The following PRMT8 variants were observed in gnomAD, a reference collection of about 807,000 sequenced individuals.
The protein encoded by PRMT8 is protein arginine N-methyltransferase 8.
In PRMT8, 7 loss-of-function variants were observed where a neutral mutation model predicts 47.1. The ratio of observed to expected loss-of-function variants is 0.15; its 90% CI spans 0.08 to 0.28. PRMT8 has a LOEUF of 0.28. PRMT8 is among the 10% of genes least tolerant of loss of function. The probability of loss-of-function intolerance (pLI) is 1.00; values close to 1 mark genes in which losing one functional copy is unlikely to be tolerated. For missense variants in PRMT8, 237 were observed against 505.4 expected (o/e 0.47, Z 5.09); for synonymous variants, 188 against 186.5 (o/e 1.01, Z -0.07).
chr12:3,560,157 A>T (rs942383601), intron 4 of PRMT8, among the ~76,000 whole-genome samples: 2 of 152,132 alleles, frequency 1.3e-5, no homozygotes, highest in African/African-American at 4.8e-5. Context: ...CTGCTCACTC[A>T]CTTAGCCTTG....
rs1864693652 is a variant in PRMT8 at position 3,432,625 on chromosome 12, AG to A, written c.48+51185del. The stretch of plus-strand genomic sequence containing the variant: ...TGGGGCTGGAAAGCAGCAACAGGAG[AG>A]GTGAGAAAGGCTCTCTGGGCAAGAG... On this transcript the variant is annotated intron_variant, in intron 1 of 9. Transcript: ENST00000452611. Among the ~76,000 whole-genome samples, 4 of 150,796 alleles carry A rather than the reference AG, an allele frequency of 2.7e-5. No individual in the cohort carries two copies. The South Asian group carries it at 8.5e-4, about 32-fold the overall frequency.
intron 1 of PRMT8, among the ~76,000 whole-genome samples, chr12:3,505,207 C>T (rs1176153570): frequency 2.0e-5 from 3 of 152,106 alleles, no homozygotes; most frequent in Non-Finnish European, 4.4e-5. Flanking sequence ...TGTTCCTATT[C>T]GGCCATCTTG....
At chr12:3,465,129 A>AAT (rs1555082222) in intron 1 of PRMT8, among the ~76,000 whole-genome samples, 85 of 55,368 alleles carry the variant, frequency 1.5e-3, no homozygotes, top group Admixed American at 3.1e-3. Context: ...TCTCAAAAAA[A>AAT]ATATATATAT....
chr12:3,540,093 A>T (rs1222204821), intron 1 of PRMT8, among the ~76,000 whole-genome samples: 2 of 151,906 alleles, frequency 1.3e-5, no homozygotes, highest in African/African-American at 4.8e-5. Flanking sequence ...CCTCAGGACA[A>T]CTCTAGGAGG....
intron 1 of PRMT8, among the ~76,000 whole-genome samples, chr12:3,446,910 C>G (rs1272830558): frequency 6.6e-6 from 1 of 152,218 alleles, no homozygotes; most frequent in Admixed American, 6.5e-5. Context: ...CATTCAACCA[C>G]CTTGACTGAC....
intron 1 of PRMT8, among the ~76,000 whole-genome samples, chr12:3,513,326 C>T (rs1865741506): frequency 6.6e-6 from 1 of 152,184 alleles, no homozygotes; most frequent in Admixed American, 6.5e-5. Context: ...TTGCAGACCC[C>T]TGACACCTAA....
chr12:3,476,320 T>TA (rs1171399055), intron 1 of PRMT8, among the ~76,000 whole-genome samples: 2 of 152,204 alleles, frequency 1.3e-5, no homozygotes, highest in Non-Finnish European at 2.9e-5. Context: ...CTATGTAGGG[T>TA]GCCAGACACG....
At chr12:3,537,574 C>A (rs1246287408) in intron 1 of PRMT8, among the ~76,000 whole-genome samples, 2 of 152,196 alleles carry the variant, frequency 1.3e-5, no homozygotes, top group East Asian at 3.8e-4. Context: ...TCAAACTCTG[C>A]ATATCCAAAT....
intron 1 of PRMT8, among the ~76,000 whole-genome samples, chr12:3,392,309 C>T (rs925336935): frequency 5.3e-5 from 8 of 150,922 alleles, no homozygotes; most frequent in African/African-American, 4.9e-5. Context: ...GTGCTGCACC[C>T]GCTAACTCAT....
At chr12:3,487,019 G>A (rs80039263), upstream of PRMT8, among the ~76,000 whole-genome samples, 1,181 of 152,306 alleles carry the variant, frequency 7.8e-3, 14 homozygotes, top group African/African-American at 0.026. Context: ...GGACCACAGA[G>A]GCTTTTGTGT....
intron 1 of PRMT8, among the ~76,000 whole-genome samples, chr12:3,454,817 T>A (rs967424500): frequency 6.6e-6 from 1 of 152,180 alleles, no homozygotes; most frequent in Non-Finnish European, 1.5e-5. Flanking sequence ...TACAAGGTTA[T>A]AGTCACCCTA....
chr12:3,466,082 C>A (rs1052048422), intron 1 of PRMT8, among the ~76,000 whole-genome samples: 17 of 152,326 alleles, frequency 1.1e-4, no homozygotes, highest in African/African-American at 4.1e-4. Context: ...CTCCCTGCAC[C>A]TGCTGTGGAG....
At chr12:3,411,426 G>A (rs1864428497) in intron 1 of PRMT8, among the ~76,000 whole-genome samples, 1 of 152,124 alleles carries the variant, frequency 6.6e-6, no homozygotes, top group South Asian at 2.1e-4. Flanking sequence ...AGTTTTTCTA[G>A]TTCTCCAGGG....
At chr12:3,419,870 C>T (rs1035217778) in intron 1 of PRMT8, among the ~76,000 whole-genome samples, 1 of 150,720 alleles carries the variant, frequency 6.6e-6, no homozygotes, top group African/African-American at 2.4e-5. Context: ...GAAGGATGCT[C>T]AGTTCCCTGA....
intron 4 of PRMT8, among the ~76,000 whole-genome samples, chr12:3,556,434 T>A (rs2137185761): frequency 6.6e-6 from 1 of 152,064 alleles, no homozygotes; most frequent in African/African-American, 2.4e-5. Flanking sequence ...GGGGGCTTGC[T>A]CAACTGTAGG....
At chr12:3,531,953 G>GA (rs1314006222) in intron 1 of PRMT8, among the ~76,000 whole-genome samples, 1 of 152,182 alleles carries the variant, frequency 6.6e-6, no homozygotes, top group Non-Finnish European at 1.5e-5. Context: ...GAGAAGGCCT[G>GA]AAGCTGTCCT....
intron 1 of PRMT8, chr12:3,469,230 C>T: frequency 2.2e-6 from 1 of 454,998 alleles, no homozygotes; most frequent in South Asian, 1.7e-5. Context: ...CCAGCAAGGA[C>T]CAAACACCCC....
In PRMT8 at chr12:3,580,839, TAAC is replaced by T. The variant is rs1278577311; in HGVS notation, c.829-2213_829-2211del. 6.6e-6 allele frequency among the ~76,000 whole-genome samples: 1 copy of T among 152,118 alleles called. No individual in the cohort carries two copies. Among genetic ancestry groups the T allele is most frequent in the African/African-American group, 2.4e-5 (1 of 41,410 alleles). ...GTAAGGGTAGACACTGTGATGCCAT[TAAC>T]AACAATACAGGCAACCAAGGCTTGT... is the stretch of plus-strand genomic sequence containing the variant. On this transcript the variant is annotated intron_variant, in intron 7 of 9. Coordinates refer to ENST00000382622, the MANE Select transcript of PRMT8 (RefSeq NM_019854.5). The surrounding 1 kb of genome is among the most constrained non-coding windows in gnomAD (Gnocchi z 4.6).
At position 3,572,345 on chromosome 12, in the gene PRMT8, T is replaced by C. The variant is rs188395085; in HGVS notation, c.712+2781T>C. On this transcript the variant is annotated intron_variant, in intron 6 of 9. Transcript: ENST00000382622. The surrounding 1 kb of genome is among the most constrained non-coding windows in gnomAD (Gnocchi z 5.9). ...ATCATTTTACACACATTTTCTACTA[T>C]AAAGGAAATACACAGAATTTCAAAA... Among the ~76,000 whole-genome samples, 164 of 152,302 alleles carry C rather than the reference T, an allele frequency of 1.1e-3. No individual in the cohort carries two copies. The highest frequency in any genetic ancestry group is 3.7e-3 in the African/African-American group (155 of 41,586).
Sources: allele counts gnomAD v4.1 joint callset (sites outside exome capture counted in the v4.1 genomes callset), GRCh38; gene constraint gnomAD v4.1.1; non-coding constraint Gnocchi (gnomAD v3.1); transcripts MANE v1.5; gene names NCBI Gene and HGNC (gene_info 2026-07-23, HGNC 2026-07-21).